Variants in ZNF157 observed in about 807,000 individuals in gnomAD.
The protein encoded by ZNF157 is zinc finger protein 22.
A neutral mutation model predicts 9.4 loss-of-function variants in ZNF157; 8 were observed. The ratio of observed to expected loss-of-function variants is 0.85; its 90% CI spans 0.50 to 1.53. The LOEUF is 1.53. Ranked by LOEUF, ZNF157 falls within the 40% of genes most tolerant of loss-of-function variation. ZNF157 has a pLI of 0.00. For missense variants in ZNF157, 316 were observed against 385.2 expected (o/e 0.82, Z 1.50); for synonymous variants, 120 against 130.8 (o/e 0.92, Z 0.56).
chrX:47,370,833 A>G (rs2055826642), intron 1 of ZNF157, 93 bp downstream of exon 1: 1 of 820,445 alleles, frequency 1.2e-6, no homozygotes, highest in African/African-American at 2.1e-5. Flanking sequence ...GTAGATTCAA[A>G]TGCAATGTAC....
intron 1 of ZNF157, among the ~76,000 whole-genome samples, chrX:47,382,875 G>A (rs1302425833): frequency 1.8e-5 from 2 of 110,383 alleles, no homozygotes; most frequent in East Asian, 5.7e-4. Flanking sequence ...TGGTTAAGGG[G>A]TCTTTTTGCA....
chrX:47,374,865 T>C lies in ZNF157; in HGVS notation c.72+4125T>C, dbSNP rs189989175. ...CTGGGATTACAGGCACCCGCCACCATGCCTGGCTAATTTTTTTGTATTTTT... is the reference window on the plus strand; with the variant it reads ...CTGGGATTACAGGCACCCGCCACCACGCCTGGCTAATTTTTTTGTATTTTT... On this transcript the variant is annotated intron_variant, in intron 1 of 3. Coordinates refer to ENST00000377073, the MANE Select transcript of ZNF157 (RefSeq NM_003446.4). 1.7e-4 allele frequency among the ~76,000 whole-genome samples: 18 copies of C among 105,444 alleles called. No individual in the cohort carries two copies. The East Asian group carries it at 5.0e-3, about 30-fold the overall frequency. 91.6% of individuals were successfully genotyped at this position (105,444 alleles called of 115,157 possible). A position where few individuals can be genotyped will look rare whatever the true frequency, so the allele number is the denominator to read the frequency against.
intron 1 of ZNF157, among the ~76,000 whole-genome samples, chrX:47,397,793 G>A (rs1207985349): frequency 9.1e-6 from 1 of 110,411 alleles, no homozygotes; most frequent in Non-Finnish European, 1.9e-5. Context: ...TGTTGCTTCA[G>A]AGGCATGAGA....
intron 1 of ZNF157, among the ~76,000 whole-genome samples, chrX:47,403,828 T>A (rs1475928844): frequency 2.7e-5 from 3 of 111,640 alleles, no homozygotes; most frequent in Admixed American, 9.6e-5. Flanking sequence ...ACAAACTTTT[T>A]AAGAAAGTTT....
chrX:47,387,886 C>CAA (rs781763726), intron 1 of ZNF157, among the ~76,000 whole-genome samples: 1,265 of 34,164 alleles, frequency 0.037, 147 homozygotes, highest in Non-Finnish European at 0.05. Flanking sequence ...GACTCTGTCT[C>CAA]AAAAAAAAAA....
intron 1 of ZNF157, among the ~76,000 whole-genome samples, chrX:47,383,854 C>T (rs371762167): frequency 4.2e-5 from 4 of 95,514 alleles, no homozygotes; most frequent in African/African-American, 1.2e-4. Flanking sequence ...GCCTCATACA[C>T]GGAGGTACCA....
At chrX:47,409,180 A>G (rs2055955883) in intron 1 of ZNF157, among the ~76,000 whole-genome samples, 2 of 111,291 alleles carry the variant, frequency 1.8e-5, no homozygotes. Context: ...AGTCTATCTC[A>G]GTTTTTCTTC....
rs764704009 is a variant in ZNF157, at chrX:47,382,282, C to CTTTTTTTT, written c.72+11560_72+11567dup. Among the ~76,000 whole-genome samples the CTTTTTTTT allele has an allele frequency of 1.3e-3, 72 of 53,367 alleles. 6 individuals carry two copies. The highest frequency in any genetic ancestry group is 5.8e-3 in the African/African-American group (67 of 11,543). The allele number at this position is 53,367 out of a possible 115,157, so 46.3% of individuals were successfully genotyped here. ...GTTGCCAGGGTGAAATTCAACAGAACTTTTTTTTTTTTTTTTTTTTTTTTT... is the reference window on the plus strand; with the variant it reads ...GTTGCCAGGGTGAAATTCAACAGAACTTTTTTTTTTTTTTTTTTTTTTTTTTTTTTTTT... On this transcript the variant is annotated intron_variant, in intron 1 of 3. Transcript: ENST00000377073.
chrX:47,394,153 A>G (rs1160411046), intron 1 of ZNF157, among the ~76,000 whole-genome samples: 13 of 109,953 alleles, frequency 1.2e-4, no homozygotes, highest in African/African-American at 4.3e-4. Context: ...TAGTAGAGAC[A>G]GGGTTTCACT....
chrX:47,402,663 C>T (rs1337146201), intron 1 of ZNF157, among the ~76,000 whole-genome samples: 1 of 107,802 alleles, frequency 9.3e-6, no homozygotes, highest in East Asian at 3.0e-4. Flanking sequence ...CCTCAGCCTC[C>T]CGAGTAGCTG....
At chrX:47,393,743 CTTTT>C (rs543372119) in intron 1 of ZNF157, among the ~76,000 whole-genome samples, 2 of 73,755 alleles carry the variant, frequency 2.7e-5, no homozygotes, top group Non-Finnish European at 2.5e-5. Context: ...CTCCCCCGCC[CTTTT>C]TTTTTTTTTT....
At position 47,413,003 on chromosome X, in the gene ZNF157, C is replaced by T; in HGVS notation, c.930C>T (p.Asn310=). ...ATGAATGTGGGGAGTGTGGGAAAAA[C>T]TTCCGTGCAAAGAAATCCCTAAATC... The part of the protein sequence containing the change: ...KPYECGECGK[N]FRAKKSLNQH... Residue 310 remains asparagine (N), a synonymous_variant, in exon 4 of 4, where the codon AAC becomes AAT. Coordinates refer to ENST00000377073, the MANE Select transcript of ZNF157 (RefSeq NM_003446.4). 8.3e-7 allele frequency: 1 copy of T among 1,210,057 alleles called. No homozygotes were observed. The highest frequency in any genetic ancestry group is 1.1e-6 in the Non-Finnish European group (1 of 894,611).
chrX:47,396,099 TAATAA>T (rs200977030), intron 1 of ZNF157, among the ~76,000 whole-genome samples: 1,849 of 111,321 alleles, frequency 0.017, 34 homozygotes, highest in African/African-American at 0.053. Context: ...CACGTATGCC[TAATAA>T]AATAAGGAAG....
chrX:47,387,732 A>G (rs2055884031), intron 1 of ZNF157, among the ~76,000 whole-genome samples: 1 of 107,161 alleles, frequency 9.3e-6, no homozygotes, highest in African/African-American at 3.4e-5. Flanking sequence ...TGAAACCCCC[A>G]TCTCTACTAA....
intron 1 of ZNF157, among the ~76,000 whole-genome samples, chrX:47,379,724 C>CTTTTTTT (rs200985634): frequency 1.6e-5 from 1 of 62,764 alleles, no homozygotes; most frequent in Non-Finnish European, 2.8e-5. Context: ...TGTCTAGATG[C>CTTTTTTT]TTTTTTTTTT....
At chrX:47,382,467 C>T (rs1220834176) in intron 1 of ZNF157, among the ~76,000 whole-genome samples, 1 of 106,296 alleles carries the variant, frequency 9.4e-6, no homozygotes, top group Non-Finnish European at 1.9e-5. Context: ...GATCCGCCCA[C>T]CTCGGCCTCC....
At chrX:47,398,908 G>A (rs555047428) in intron 1 of ZNF157, among the ~76,000 whole-genome samples, 2 of 111,799 alleles carry the variant, frequency 1.8e-5, no homozygotes, top group South Asian at 7.4e-4. Flanking sequence ...CTGACCTCAG[G>A]CAATCTGCCC....
chrX:47,409,336 T>C (rs2055956376), intron 1 of ZNF157, among the ~76,000 whole-genome samples: 1 of 111,455 alleles, frequency 9.0e-6, no homozygotes, highest in African/African-American at 3.3e-5. Flanking sequence ...AGTATAAATA[T>C]ATTTTGTTTC....
chrX:47,408,171 C>T (rs979222566), intron 1 of ZNF157, among the ~76,000 whole-genome samples: 3 of 109,332 alleles, frequency 2.7e-5, no homozygotes, highest in Admixed American at 9.8e-5. Context: ...GGCACGATCT[C>T]GGCTCATTGC....
Sources: allele counts gnomAD v4.1 joint callset (sites outside exome capture counted in the v4.1 genomes callset), GRCh38; gene constraint gnomAD v4.1.1; transcripts MANE v1.5; gene names NCBI Gene and HGNC (gene_info 2026-07-23, HGNC 2026-07-21).